The following INPP5B variants were observed in gnomAD, a reference collection of about 807,000 sequenced individuals.
The protein encoded by INPP5B is type II inositol 1,4,5-trisphosphate 5-phosphatase.
In INPP5B, 90 loss-of-function variants were observed where a neutral mutation model predicts 118.5. The ratio of observed to expected loss-of-function variants is 0.76; its 90% CI spans 0.64 to 0.90. The LOEUF (loss-of-function observed/expected upper bound fraction) is 0.90. Ranked by LOEUF, INPP5B falls within the 40% of genes least tolerant of loss-of-function variation. The pLI is 0.00. For synonymous variants in INPP5B, 385 were observed against 418.9 expected (o/e 0.92, Z 0.99); for missense variants, 984 against 1,125.6 (o/e 0.87, Z 1.80).
chr1:37,931,270 A>C, intron 7 of INPP5B: 1 of 438,230 alleles, frequency 2.3e-6, no homozygotes, highest in East Asian at 6.1e-5. Flanking sequence ...TACCTCACCC[A>C]AAGGAAGACT....
chr1:37,944,838 C>T (rs972370527), intron 3 of INPP5B, among the ~76,000 whole-genome samples: 1 of 151,724 alleles, frequency 6.6e-6, no homozygotes, highest in East Asian at 2.0e-4. Flanking sequence ...AAGCTGGTCT[C>T]GAACTCCTAG....
intron 7 of INPP5B, among the ~76,000 whole-genome samples, chr1:37,899,862 C>T (rs1478752180): frequency 2.6e-5 from 4 of 151,594 alleles, no homozygotes; most frequent in African/African-American, 7.3e-5. Flanking sequence ...TACAGGAGTC[C>T]GCCACCACAC....
At chr1:37,865,491 G>C (rs1641972533) in intron 22 of INPP5B, among the ~76,000 whole-genome samples, 1 of 152,214 alleles carries the variant, frequency 6.6e-6, no homozygotes, top group Non-Finnish European at 1.5e-5. Flanking sequence ...GAATGGAAGA[G>C]AGAGGATGGG....
chr1:37,875,812 G>A (rs1642764516), intron 16 of INPP5B, 96 bp from the exon 17 acceptor site: 1 of 773,660 alleles, frequency 1.3e-6, no homozygotes. Flanking sequence ...AATAGCAGTT[G>A]ATAGCAACAC....
rs187469190 is a variant in INPP5B at position 37,928,039 on chromosome 1, A to G, written c.532+3874T>C. 2.6e-5 allele frequency among the ~76,000 whole-genome samples: 4 copies of G among 152,292 alleles called. No homozygotes were observed. The East Asian group carries it at 7.7e-4, about 29-fold the overall frequency. ...CAAAGGTGCTCTATGCCCTTGGCTC[A>G]CGCTACAAGGAACACTGTCCTGCTG... On this transcript the variant is annotated intron_variant, in intron 7 of 23. Transcript: ENST00000373024.
intron 7 of INPP5B, among the ~76,000 whole-genome samples, chr1:37,896,920 C>A (rs570224097): frequency 7.3e-6 from 1 of 137,638 alleles, no homozygotes; most frequent in African/African-American, 2.7e-5. Flanking sequence ...TCTGCCCAGC[C>A]GCCCCTACTG....
intron 5 of INPP5B, 152 bp from the exon 6 acceptor site, chr1:37,940,950 G>A (rs1645885987): frequency 3.4e-6 from 2 of 582,694 alleles, no homozygotes; most frequent in Non-Finnish European, 6.2e-6. Context: ...GGGACAACAA[G>A]GAAACCCTCT....
chr1:37,912,369 C>T (rs1378007881), intron 7 of INPP5B, among the ~76,000 whole-genome samples: 1 of 152,202 alleles, frequency 6.6e-6, no homozygotes, highest in Non-Finnish European at 1.5e-5. Flanking sequence ...AGTGTTCACC[C>T]CTACTTTCCT....
intron 7 of INPP5B, among the ~76,000 whole-genome samples, chr1:37,927,035 T>C (rs1029237031): frequency 1.3e-5 from 2 of 152,066 alleles, no homozygotes; most frequent in African/African-American, 4.8e-5. Context: ...ACGCCTGTAA[T>C]CTCAGCACTT....
rs1645307498 is a variant in INPP5B, at chr1:37,928,095, A to G, written c.532+3818T>C. Among the ~76,000 whole-genome samples, 4 of 151,900 alleles carry G rather than the reference A, an allele frequency of 2.6e-5. No homozygotes were observed. In the South Asian group the frequency reaches 8.3e-4, roughly 32 times the overall value. On this transcript the variant is annotated intron_variant, in intron 7 of 23. Coordinates refer to ENST00000373024, the MANE Select transcript of INPP5B (RefSeq NM_005540.3). ...ACCCTATACTCTCTTACCTCTATCT[A>G]CGTATTATCAGACCCCTCTCAGTCA...
Position 37,946,334 on chromosome 1 carries a change from C to A in INPP5B, c.-26G>T. On this transcript the variant is annotated splice_region_variant and 5_prime_UTR_variant, in exon 2 of 24. Transcript: ENST00000373024. Reference sequence around the variant, plus strand: ...GCTGGCCCCTGCTGAGCGCACACACCCTGTGGGAGGGGAGATAGGAGCCCC... The same window carrying A: ...GCTGGCCCCTGCTGAGCGCACACACACTGTGGGAGGGGAGATAGGAGCCCC... 1 of 1,606,134 alleles carries A rather than the reference C, an allele frequency of 6.2e-7. No homozygotes were observed. The highest frequency in any genetic ancestry group is 2.2e-5 in the East Asian group (1 of 44,690).
At chr1:37,887,586 A>C in intron 10 of INPP5B, 121 bp from the exon 11 acceptor site, 1 of 610,408 alleles carries the variant, frequency 1.6e-6, no homozygotes, top group Admixed American at 3.1e-5. Flanking sequence ...CCTCAGGAGG[A>C]AAAAATAAAC....
In INPP5B at chr1:37,927,017, G is replaced by A. The variant is rs1255999141; in HGVS notation, c.532+4896C>T. Among the ~76,000 whole-genome samples, 6 of 152,222 alleles carry A rather than the reference G, an allele frequency of 3.9e-5. No homozygotes were observed. In the East Asian group the frequency reaches 7.7e-4, roughly 20 times the overall value. On this transcript the variant is annotated intron_variant, in intron 7 of 23. Coordinates refer to ENST00000373024, the MANE Select transcript of INPP5B (RefSeq NM_005540.3). ...TGTTAAGAACAGTGAGGCCAGGCGCGGTGGCTCACGCCTGTAATCTCAGCA... is the reference window on the plus strand; with the variant it reads ...TGTTAAGAACAGTGAGGCCAGGCGCAGTGGCTCACGCCTGTAATCTCAGCA...
intron 7 of INPP5B, 45 bp downstream of exon 7, chr1:37,931,868 G>C (rs760057058): frequency 2.3e-5 from 37 of 1,613,248 alleles, no homozygotes; most frequent in Non-Finnish European, 3.0e-5. Context: ...CCCTGTGGCC[G>C]GGCCTCCTCC....
At chr1:37,866,259 AAAAT>A (rs1048446718) in intron 21 of INPP5B, among the ~76,000 whole-genome samples, 196 bp downstream of exon 21, 3 of 152,228 alleles carry the variant, frequency 2.0e-5, no homozygotes, top group African/African-American at 4.8e-5. Context: ...CCTGTCTCAA[AAAAT>A]AAATAAATAA....
rs41307896 is a variant in INPP5B at position 37,882,834 on chromosome 1, G to A, written c.1404C>T (p.Asp468=). ...GATCATATGCATACAGCATTTGAAA[G>A]TCCTTCTCTTCGATGAGCTTTTTCA... The part of the protein sequence containing the change: ...EKVKKLIEEK[D]FQMLYAYDQL... Residue 468 remains aspartate, a synonymous_variant, in exon 14 of 24, where the codon GAC becomes GAT. Coordinates refer to ENST00000373024, the MANE Select transcript of INPP5B (RefSeq NM_005540.3). The A allele has an allele frequency of 0.13, 202,218 of 1,613,620 alleles. 14,027 individuals carry two copies. Among genetic ancestry groups the A allele is most frequent in the Middle Eastern group, 0.24 (1,456 of 6,062 alleles).
chr1:37,874,146 GA>G lies in INPP5B; in HGVS notation c.1797del (p.Gln600ArgfsTer3). 1 of 1,568,488 alleles carries G rather than the reference GA, an allele frequency of 6.4e-7. No homozygotes were observed. Among genetic ancestry groups the G allele is most frequent in the Non-Finnish European group, 8.7e-7 (1 of 1,146,246 alleles). The part of the protein sequence containing the change: ...SVSLSKREFC[F>X]QNVKYMQLKV... ...TTCAATTGCATGTACTTCACATTCT[GA>G]AAACAGAACTGGGAAGAAGCCCGGG... On this transcript the variant is annotated frameshift_variant, in exon 18 of 24. Coordinates refer to ENST00000373024, the MANE Select transcript of INPP5B (RefSeq NM_005540.3). LOFTEE classifies it high-confidence loss of function.
rs533099849 is a variant in INPP5B, at chr1:37,877,355, A to G, written c.1677+833T>C. Among the ~76,000 whole-genome samples the G allele has an allele frequency of 7.2e-5, 11 of 152,278 alleles. No individual in the cohort carries two copies. In the South Asian group the frequency reaches 2.3e-3, roughly 32 times the overall value. ...AGACTCCATCTCAACAGAAAAAAAA[A>G]AAAAGGAAAGGAAGAAAAAGATGCT... On this transcript the variant is annotated intron_variant, in intron 16 of 23. Transcript: ENST00000373024.
rs760874649 is a variant in INPP5B, at chr1:37,880,064, T to C, written c.1541+21A>G. Reference sequence around the variant, plus strand: ...TCTGGGTTTCCGTTTGCTCAACCCTTTGAAGCAACCTCTGACCTACCTGGT... The same window carrying C: ...TCTGGGTTTCCGTTTGCTCAACCCTCTGAAGCAACCTCTGACCTACCTGGT... On this transcript the variant is annotated intron_variant, in intron 15 of 23. Transcript: ENST00000373024. 7 of 1,552,826 alleles carry C rather than the reference T, an allele frequency of 4.5e-6. 1 individual carries two copies. In the South Asian group the frequency reaches 6.8e-5, roughly 15 times the overall value.
Sources: gnomAD v4.1 joint callset for allele counts (sites outside exome capture counted in the v4.1 genomes callset) on GRCh38, gnomAD v4.1.1 for gene constraint, MANE v1.5 for transcripts, NCBI Gene and HGNC (gene_info 2026-07-23, HGNC 2026-07-21) for gene names.